The following KHDRBS3 variants were observed in gnomAD, a reference collection of about 807,000 sequenced individuals.
The protein encoded by KHDRBS3 is KH RNA binding domain containing, signal transduction associated 3.
Under a neutral mutation model 45.6 loss-of-function variants are expected in KHDRBS3, and 23 were observed. The observed-to-expected ratio is 0.50, with a 90% CI of 0.36 to 0.72. KHDRBS3 has a LOEUF of 0.72. Among genes scored for constraint, KHDRBS3 ranks in the 30% least tolerant of loss-of-function variants. The pLI is 0.00. For synonymous variants in KHDRBS3, 162 were observed against 156.5 expected (o/e 1.04, Z -0.26); for missense variants, 352 against 424.8 (o/e 0.83, Z 1.51).
intron 1 of KHDRBS3, among the ~76,000 whole-genome samples, chr8:135,473,034 A>T (rs1184935094): frequency 2.5e-5 from 2 of 79,694 alleles, no homozygotes; most frequent in Non-Finnish European, 4.6e-5. Context: ...TTTATTTGAA[A>T]AGTTTTTTTT....
chr8:135,607,091 A>C, intron 7 of KHDRBS3, 54 bp downstream of exon 7: 1 of 1,358,378 alleles, frequency 7.4e-7, no homozygotes, highest in Non-Finnish European at 1.0e-6. Context: ...CCCCTTCCAC[A>C]TTCATATATT....
chr8:135,562,705 C>T (rs1827226666), intron 5 of KHDRBS3, among the ~76,000 whole-genome samples: 1 of 152,186 alleles, frequency 6.6e-6, no homozygotes, highest in Non-Finnish European at 1.5e-5. Flanking sequence ...CGTATTACAA[C>T]ATTCCGTAGT....
chr8:135,555,022 G>T (rs1226497092), intron 4 of KHDRBS3, among the ~76,000 whole-genome samples: 1 of 152,036 alleles, frequency 6.6e-6, no homozygotes, highest in East Asian at 1.9e-4. Flanking sequence ...AATTTCTGTG[G>T]CTTACTGCTA....
chr8:135,483,362 A>G (rs1460132835), intron 1 of KHDRBS3, among the ~76,000 whole-genome samples: 6 of 152,162 alleles, frequency 3.9e-5, no homozygotes, highest in Non-Finnish European at 7.4e-5. Context: ...TGGCAAGTAA[A>G]CACATTCTGC....
chr8:135,610,607 T>C (rs1033320296), intron 7 of KHDRBS3, among the ~76,000 whole-genome samples: 9 of 151,920 alleles, frequency 5.9e-5, no homozygotes, highest in Non-Finnish European at 1.2e-4. Context: ...ATTCTAATTA[T>C]CGTGAGCGGT....
intron 6 of KHDRBS3, among the ~76,000 whole-genome samples, chr8:135,602,076 T>C (rs938663433): frequency 2.0e-4 from 30 of 152,198 alleles, no homozygotes; most frequent in Admixed American, 4.6e-4. Flanking sequence ...TTTTAATCAT[T>C]TGCTGAGTCA....
chr8:135,472,314 T>G (rs1822057461), intron 1 of KHDRBS3, among the ~76,000 whole-genome samples: 1 of 152,054 alleles, frequency 6.6e-6, no homozygotes, highest in Admixed American at 6.5e-5. Context: ...AAACTCCAGG[T>G]TTTCACTTTG....
chr8:135,650,983 C>T (rs1195003317), downstream of KHDRBS3, among the ~76,000 whole-genome samples: 1 of 152,136 alleles, frequency 6.6e-6, no homozygotes, highest in Non-Finnish European at 1.5e-5. Flanking sequence ...CATTGTTGTC[C>T]TTGCAAGTGC....
At chr8:135,625,865 G>A (rs1369063288) in intron 7 of KHDRBS3, 3 of 769,970 alleles carry the variant, frequency 3.9e-6, no homozygotes, top group Non-Finnish European at 2.4e-6. Flanking sequence ...CAGCCCCTGA[G>A]CACAGCTGTT....
intron 1 of KHDRBS3, among the ~76,000 whole-genome samples, chr8:135,469,527 T>TG (rs1563699726): frequency 0.017 from 342 of 19,568 alleles, 2 homozygotes; most frequent in East Asian, 0.071. Context: ...GTTTTGGTTT[T>TG]TTTTTTTTTT....
At chr8:135,463,210 G>A (rs139222875) in intron 1 of KHDRBS3, among the ~76,000 whole-genome samples, 11 of 152,240 alleles carry the variant, frequency 7.2e-5, no homozygotes, top group Middle Eastern at 3.4e-3. Context: ...CCTAGCATAC[G>A]TCTGAGCACA....
intron 7 of KHDRBS3, among the ~76,000 whole-genome samples, chr8:135,637,345 CCTT>C (rs1830856380): frequency 6.6e-6 from 1 of 152,120 alleles, no homozygotes; most frequent in Admixed American, 6.5e-5. Context: ...AACAAAGGCT[CCTT>C]CTAAATAGAA....
intron 1 of KHDRBS3, among the ~76,000 whole-genome samples, chr8:135,473,288 G>C (rs1045954710): frequency 6.6e-6 from 1 of 152,040 alleles, no homozygotes; most frequent in East Asian, 1.9e-4. Context: ...ACTTGGACTT[G>C]GTTCACACTT....
intron 1 of KHDRBS3, among the ~76,000 whole-genome samples, chr8:135,483,627 C>T (rs111464579): frequency 1.2e-4 from 19 of 152,138 alleles, no homozygotes; most frequent in African/African-American, 3.9e-4. Context: ...ATGAGGGTAT[C>T]ATATCCTTAT....
intron 7 of KHDRBS3, among the ~76,000 whole-genome samples, chr8:135,624,178 C>T (rs1830263779): frequency 6.6e-6 from 1 of 152,186 alleles, no homozygotes; most frequent in African/African-American, 2.4e-5. Flanking sequence ...ACTGACCACT[C>T]CCTTTGCCAG....
chr8:135,566,189 G>T (rs1022084567), intron 5 of KHDRBS3, among the ~76,000 whole-genome samples: 1 of 152,118 alleles, frequency 6.6e-6, no homozygotes, highest in Non-Finnish European at 1.5e-5. Context: ...TGGAGTCAGG[G>T]TTAATACCTA....
chr8:135,593,089 C>A lies in KHDRBS3; in HGVS notation c.807+11016C>A, dbSNP rs564315341. Among the ~76,000 whole-genome samples, 4 of 152,200 alleles carry A rather than the reference C, an allele frequency of 2.6e-5. No homozygotes were observed. In the East Asian group the frequency reaches 7.7e-4, roughly 29 times the overall value. ...CTTGTGTTCAGTGATCAACCTTGGT[C>A]CCTCCTGGTAGATAGGGGAGGAGGG... On this transcript the variant is annotated intron_variant, in intron 6 of 8. Transcript: ENST00000355849.
chr8:135,573,913 T>C (rs993115426), intron 5 of KHDRBS3, among the ~76,000 whole-genome samples: 4 of 152,204 alleles, frequency 2.6e-5, no homozygotes, highest in Admixed American at 6.5e-5. Flanking sequence ...CAAAACTCTA[T>C]GCAGATGTGT....
intron 3 of KHDRBS3, among the ~76,000 whole-genome samples, chr8:135,543,528 A>C (rs1478733990): frequency 1.3e-5 from 2 of 152,216 alleles, no homozygotes; most frequent in Admixed American, 1.3e-4. Context: ...TGATTTAAAC[A>C]CAATCCAACA....
Sources: allele counts gnomAD v4.1 joint callset (sites outside exome capture counted in the v4.1 genomes callset), GRCh38; gene constraint gnomAD v4.1.1; transcripts MANE v1.5; gene names NCBI Gene and HGNC (gene_info 2026-07-23, HGNC 2026-07-21).